The following FKBP6 variants were observed in gnomAD, a reference collection of about 807,000 sequenced individuals.
FKBP6 encodes the protein FKBP prolyl isomerase family member 6 (inactive).
Under a neutral mutation model 41.7 loss-of-function variants are expected in FKBP6, and 29 were observed. That is an observed-to-expected ratio of 0.70 (90% CI 0.52 to 0.95). The LOEUF is 0.95. Among genes scored for constraint, FKBP6 ranks in the 40% least tolerant of loss-of-function variants. The pLI, the probability that FKBP6 is intolerant of heterozygous loss-of-function variation, is 0.00. For missense variants in FKBP6, 338 were observed against 408.7 expected, an observed-to-expected ratio of 0.83 and a Z score of 1.49; for synonymous variants, 130 against 165.1, an observed-to-expected ratio of 0.79 and a Z score of 1.63.
intron 5 of FKBP6, among the ~76,000 whole-genome samples, chr7:73,337,309 C>CTTT (rs5884903): frequency 2.4e-3 from 275 of 112,384 alleles, no homozygotes; most frequent in Non-Finnish European, 3.0e-3. Flanking sequence ...CTTCCATGTT[C>CTTT]TTTTTTTTTT....
At chr7:73,328,923 C>G (rs1354204356) in intron 2 of FKBP6, among the ~76,000 whole-genome samples, 1 of 152,106 alleles carries the variant, frequency 6.6e-6, no homozygotes, top group East Asian at 1.9e-4. Flanking sequence ...TCTCCTGCCT[C>G]AGCCTCCCAA....
chr7:73,349,546 C>CA (rs1175280907), intron 8 of FKBP6, among the ~76,000 whole-genome samples: 5,407 of 48,690 alleles, frequency 0.11, 235 homozygotes, highest in African/African-American at 0.2. Flanking sequence ...TACTAAAATA[C>CA]AAAAAAAAAA....
chr7:73,334,933 C>T (rs1804956976), intron 5 of FKBP6, among the ~76,000 whole-genome samples: 1 of 152,080 alleles, frequency 6.6e-6, no homozygotes, highest in African/African-American at 2.4e-5. Context: ...AGACTCTGGC[C>T]TTGTAGTCCA....
intron 5 of FKBP6, among the ~76,000 whole-genome samples, chr7:73,338,263 T>C (rs1469078651): frequency 6.6e-6 from 1 of 152,144 alleles, no homozygotes; most frequent in Non-Finnish European, 1.5e-5. Context: ...TGACCTCAGA[T>C]GATCCGCCCA....
chr7:73,340,503 C>T, intron 5 of FKBP6, 135 bp from the exon 6 acceptor site: 1 of 724,712 alleles, frequency 1.4e-6, no homozygotes, highest in Admixed American at 2.0e-5. Flanking sequence ...ATATACCTGA[C>T]TTCTTATGTT....
intron 8 of FKBP6, among the ~76,000 whole-genome samples, chr7:73,352,203 A>T (rs189777206): frequency 6.6e-6 from 1 of 152,258 alleles, no homozygotes; most frequent in East Asian, 1.9e-4. Flanking sequence ...GCCTCAAGCG[A>T]TCCTCCTGCC....
chr7:73,341,373 A>T lies in FKBP6; in HGVS notation c.884A>T (p.Lys295Ile). ...CATGACATCAATAATGAGCTGAAGA[A>T]ACTGGCTAGGTGAGCTGTGTTTGCA... Reference protein sequence around the residue: ...FNHDINNELKKLASCYRDYVD... With the variant: ...FNHDINNELKILASCYRDYVD... Residue 295 changes from lysine (K) to isoleucine (I), a missense_variant, in exon 7 of 9, where the codon AAA becomes ATA. Physicochemically the swap from Lys to Ile is moderately radical, Grantham distance 102. Around this residue, in one of 2 missense-constraint regions of FKBP6, gnomAD observed 239 missense variants for 250.1 expected, o/e 0.96. Transcript: ENST00000252037. 6.2e-7 allele frequency: 1 copy of T among 1,600,046 alleles called. No individual in the cohort carries two copies. Among genetic ancestry groups the T allele is most frequent in the Non-Finnish European group, 8.6e-7 (1 of 1,167,254 alleles).
At chr7:73,356,676 ACT>A (rs782163910) in intron 8 of FKBP6, among the ~76,000 whole-genome samples, 4 of 151,864 alleles carry the variant, frequency 2.6e-5, no homozygotes, top group Non-Finnish European at 5.9e-5. Context: ...ATTTTTGATA[ACT>A]CTGTCATTAA....
intron 8 of FKBP6, 53 bp downstream of exon 8, chr7:73,342,952 C>A: frequency 8.5e-7 from 1 of 1,178,212 alleles, no homozygotes; most frequent in Non-Finnish European, 1.3e-6. Flanking sequence ...AAGCGTGCTG[C>A]TCTCCTCCAC....
intron 8 of FKBP6, among the ~76,000 whole-genome samples, chr7:73,356,856 C>G (rs1805646590): frequency 6.6e-6 from 1 of 152,218 alleles, no homozygotes; most frequent in South Asian, 2.1e-4. Flanking sequence ...TCTCGGCTCA[C>G]TGCAACCTCT....
At chr7:73,351,820 C>A (rs1490825498) in intron 8 of FKBP6, among the ~76,000 whole-genome samples, 1 of 152,160 alleles carries the variant, frequency 6.6e-6, no homozygotes, top group Non-Finnish European at 1.5e-5. Flanking sequence ...TTTTGCTGAT[C>A]GTCCACAATC....
At chr7:73,329,131 T>C (rs1486189020) in intron 2 of FKBP6, among the ~76,000 whole-genome samples, 1 of 152,110 alleles carries the variant, frequency 6.6e-6, no homozygotes, top group Non-Finnish European at 1.5e-5. Context: ...AGACGAAAGC[T>C]AGGGACTCCT....
At chr7:73,341,455 C>A (rs1158682603) in intron 7 of FKBP6, 73 bp downstream of exon 7, 7 of 949,694 alleles carry the variant, frequency 7.4e-6, no homozygotes, top group African/African-American at 1.6e-5. Context: ...CCACCCCCCC[C>A]AACAAAGGAC....
Position 73,330,301 on chromosome 7 carries a change from G to A in FKBP6, c.417G>A (p.Leu139=), listed in dbSNP as rs375176794. ...PNTTVLFEIE[L]LDFLDCAESD... ...CCACTGTCCTGTTTGAGATTGAGCT[G>A]CTTGACTTCCTGGACTGTGCTGAGT... The change falls in exon 4 of 9, where the codon CTG becomes CTA. Residue 139 remains leucine (L), a synonymous_variant. Coordinates refer to ENST00000252037, the MANE Select transcript of FKBP6 (RefSeq NM_003602.5). 1 of 1,614,192 alleles carries A rather than the reference G, an allele frequency of 6.2e-7. No individual in the cohort carries two copies. The highest frequency in any genetic ancestry group is 8.5e-7 in the Non-Finnish European group (1 of 1,180,038).
At chr7:73,357,588 C>T (rs961637533) in intron 8 of FKBP6, among the ~76,000 whole-genome samples, 2 of 152,040 alleles carry the variant, frequency 1.3e-5, no homozygotes, top group South Asian at 2.1e-4. Context: ...ACTTCTGTCC[C>T]GTTGCCTGTG....
At chr7:73,357,548 A>G (rs1485402699) in intron 8 of FKBP6, among the ~76,000 whole-genome samples, 4 of 148,590 alleles carry the variant, frequency 2.7e-5, no homozygotes, top group South Asian at 2.1e-4. Context: ...GTGTGAGCCA[A>G]TGCGCCTGGC....
chr7:73,340,445 A>T (rs142020015), intron 5 of FKBP6, among the ~76,000 whole-genome samples, 193 bp from the exon 6 acceptor site: 1 of 152,332 alleles, frequency 6.6e-6, no homozygotes, highest in African/African-American at 2.4e-5. Context: ...AGATCACTCC[A>T]GCCTGGCGAC....
intron 8 of FKBP6, among the ~76,000 whole-genome samples, chr7:73,346,867 C>A (rs1169405599): frequency 1.3e-5 from 2 of 152,212 alleles, no homozygotes; most frequent in Non-Finnish European, 2.9e-5. Context: ...GATGCCCTAA[C>A]CGAAGTTACT....
At chr7:73,337,933 A>G (rs1204647575) in intron 5 of FKBP6, among the ~76,000 whole-genome samples, 2 of 152,156 alleles carry the variant, frequency 1.3e-5, no homozygotes, top group African/African-American at 4.8e-5. Flanking sequence ...TTGTAACTAG[A>G]ATTGTCAAAT....
Sources: gnomAD v4.1 joint callset for allele counts (sites outside exome capture counted in the v4.1 genomes callset) on GRCh38, gnomAD v4.1.1 for gene constraint, gnomAD v4.1.1 regional missense constraint, MANE v1.5 for transcripts, NCBI Gene and HGNC (gene_info 2026-07-23, HGNC 2026-07-21) for gene names.